LRP5: variants seen among roughly 807,000 people sequenced by gnomAD.
LRP5 encodes low-density lipoprotein receptor-related protein 5.
A neutral mutation model predicts 154.1 loss-of-function variants in LRP5; 62 were observed. The ratio of observed to expected loss-of-function variants is 0.40; its 90% confidence interval spans 0.33 to 0.50. LRP5 has a LOEUF of 0.50. Ranked by LOEUF, LRP5 falls within the 20% of genes least tolerant of loss-of-function variation. LRP5 has a pLI of 0.55. For synonymous variants in LRP5, 966 were observed against 1,011.5 expected, an observed-to-expected ratio of 0.96 and a Z score of 0.85; for missense variants, 1,915 against 2,336.7, an observed-to-expected ratio of 0.82 and a Z score of 3.72.
At chr11:68,359,302 T>C (rs1053767738) in intron 3 of LRP5, among the ~76,000 whole-genome samples, 2 of 152,212 alleles carry the variant, frequency 1.3e-5, no homozygotes, top group Non-Finnish European at 2.9e-5. Context: ...CAGTTTCTCC[T>C]GTTCCTCTTA....
At position 68,439,813 on chromosome 11, in the gene LRP5, G is replaced by A. The variant is rs1322121750; in HGVS notation, c.4385G>A (p.Ser1462Asn). Reference sequence around the variant, plus strand: ...GGAAAGTCCATGATGAGCTCCGTGAGCCTGATGGGGGGCCGGGGCGGGGTG... The same window carrying A: ...GGAAAGTCCATGATGAGCTCCGTGAACCTGATGGGGGGCCGGGGCGGGGTG... Reference protein sequence around the residue: ...ACGKSMMSSVSLMGGRGGVPL... With the variant: ...ACGKSMMSSVNLMGGRGGVPL... The change falls in exon 21 of 23, where the codon AGC (serine) becomes AAC (asparagine). Residue 1462 changes from serine (S) to asparagine (N), a missense_variant. By Grantham distance (46) the Ser-to-Asn change is conservative. Coordinates refer to ENST00000294304, the MANE Select transcript of LRP5 (RefSeq NM_002335.4). 1.9e-6 allele frequency: 3 copies of A among 1,611,862 alleles called. No individual in the cohort carries two copies. Among genetic ancestry groups the A allele is most frequent in the Non-Finnish European group, 8.5e-7 (1 of 1,179,676 alleles).
chr11:68,329,760 C>G (rs960741256), intron 1 of LRP5, among the ~76,000 whole-genome samples: 2 of 152,230 alleles, frequency 1.3e-5, no homozygotes, highest in African/African-American at 4.8e-5. Flanking sequence ...CACCGGCCAT[C>G]AGCGCCCCAC....
intron 2 of LRP5, among the ~76,000 whole-genome samples, chr11:68,350,384 C>T (rs2098617249): frequency 6.6e-6 from 1 of 152,252 alleles, no homozygotes; most frequent in South Asian, 2.1e-4. Context: ...GGCGGCCATG[C>T]ATCCAGGCCT....
rs2153153364 is a variant in LRP5, at chr11:68,386,757, G to A, written c.1412+45G>A. The A allele has an allele frequency of 1.3e-6, 2 of 1,590,506 alleles. No homozygotes were observed. The highest frequency in any genetic ancestry group is 4.5e-5 in the East Asian group (2 of 44,564). On this transcript the variant is annotated intron_variant, in intron 6 of 22. Coordinates refer to ENST00000294304, the MANE Select transcript of LRP5 (RefSeq NM_002335.4). This position sits in a 1 kb window ranked among gnomAD's most constrained non-coding sequence, Gnocchi z 7.9. ...GGGCCTGGAGCCAGGGCCAGGCCAAGCACAGGCGAGAGGGAGATTGACCTG... is the reference window on the plus strand; with the variant it reads ...GGGCCTGGAGCCAGGGCCAGGCCAAACACAGGCGAGAGGGAGATTGACCTG...
chr11:68,383,578 C>G (rs910413616), intron 5 of LRP5, among the ~76,000 whole-genome samples: 1 of 152,218 alleles, frequency 6.6e-6, no homozygotes, highest in Non-Finnish European at 1.5e-5. Flanking sequence ...GGAACCTGCC[C>G]GAGGTCACCC....
intron 1 of LRP5, among the ~76,000 whole-genome samples, chr11:68,325,850 T>G (rs954884031): frequency 6.6e-6 from 1 of 152,248 alleles, no homozygotes; most frequent in African/African-American, 2.4e-5. Context: ...AGGCTCGTCC[T>G]GAGGCTGCAG....
intron 16 of LRP5, among the ~76,000 whole-genome samples, chr11:68,428,191 C>T (rs540917896): frequency 2.0e-5 from 3 of 151,860 alleles, no homozygotes; most frequent in Non-Finnish European, 2.9e-5. Context: ...GACGGGTTTT[C>T]GCCATTTTGC....
chr11:68,369,976 C>T (rs919466044), intron 5 of LRP5, among the ~76,000 whole-genome samples: 1 of 152,180 alleles, frequency 6.6e-6, no homozygotes. Flanking sequence ...ATGTTGTCAC[C>T]ATGACCGGCG....
In LRP5 at chr11:68,342,030, T is replaced by C. The variant is rs539271122; in HGVS notation, c.92-5817T>C. Among the ~76,000 whole-genome samples the C allele has an allele frequency of 5.9e-5, 9 of 151,434 alleles. No homozygotes were observed. The South Asian group carries it at 1.9e-3, about 32-fold the overall frequency. ...CCTGGGCTGCGTCTCCTCCTTAGTG[T>C]GCTGCCTCTACAGGCTTTTCTCCTG... On this transcript the variant is annotated intron_variant, in intron 1 of 22. Coordinates refer to ENST00000294304, the MANE Select transcript of LRP5 (RefSeq NM_002335.4).
At chr11:68,406,837 A>C (rs1485064047) in intron 9 of LRP5, 24 bp downstream of exon 9, 1 of 1,611,860 alleles carries the variant, frequency 6.2e-7, no homozygotes, top group African/African-American at 1.3e-5. Context: ...GAACGTGCAC[A>C]CAGGCAGCCT....
At chr11:68,417,095 C>T (rs1226479353) in intron 13 of LRP5, among the ~76,000 whole-genome samples, 1 of 152,206 alleles carries the variant, frequency 6.6e-6, no homozygotes, top group Non-Finnish European at 1.5e-5. Flanking sequence ...CATTCGTAAA[C>T]GTTAATGCTG....
At chr11:68,383,227 G>C (rs1189876150) in intron 5 of LRP5, among the ~76,000 whole-genome samples, 1 of 152,158 alleles carries the variant, frequency 6.6e-6, no homozygotes. Context: ...GGCAAGACAG[G>C]CTTGGAATGT....
intron 6 of LRP5, among the ~76,000 whole-genome samples, chr11:68,387,961 G>T (rs566474021): frequency 1.3e-5 from 2 of 152,300 alleles, no homozygotes; most frequent in East Asian, 3.9e-4. Flanking sequence ...GCCCAGCCCT[G>T]GGGGTTGTGA....
rs1373797202 is a variant in LRP5 at position 68,321,624 on chromosome 11, G to A, written c.91+8819G>A. ...AGGTGCCCTTTGTGCCGACTTGCCC[G>A]AGCCACTCCTGCTGCCCAACTCACT... On this transcript the variant is annotated intron_variant, in intron 1 of 22. Transcript: ENST00000294304. 6.6e-5 allele frequency among the ~76,000 whole-genome samples: 10 copies of A among 152,094 alleles called. No individual in the cohort carries two copies. The East Asian group carries it at 1.3e-3, about 21-fold the overall frequency.
chr11:68,411,390 T>G, intron 10 of LRP5, 46 bp from the exon 11 acceptor site: 1 of 1,597,186 alleles, frequency 6.3e-7, no homozygotes, highest in Non-Finnish European at 8.5e-7. Flanking sequence ...TGTCCTGCGG[T>G]GAGAGCAGAC....
chr11:68,419,566 GTCTCAC>G (rs1336592951), intron 13 of LRP5, among the ~76,000 whole-genome samples: 4 of 147,682 alleles, frequency 2.7e-5, no homozygotes, highest in African/African-American at 1.0e-4. Flanking sequence ...TTGAGATGGA[GTCTCAC>G]TCTATCGCCC....
intron 21 of LRP5, chr11:68,445,536 G>A (rs976458944): frequency 3.8e-5 from 46 of 1,195,658 alleles, no homozygotes; most frequent in African/African-American, 4.7e-5. Flanking sequence ...TGAGTCCCTC[G>A]GGCATAACTG....
At chr11:68,411,660 G>A (rs749284955) in intron 11 of LRP5, 40 bp downstream of exon 11, 2 of 1,574,388 alleles carry the variant, frequency 1.3e-6, no homozygotes, top group Admixed American at 3.4e-5. Flanking sequence ...TGGAGGGCGG[G>A]GCAGCCGGGC....
At chr11:68,406,290 T>C (rs973199460) in intron 8 of LRP5, among the ~76,000 whole-genome samples, 2 of 152,204 alleles carry the variant, frequency 1.3e-5, no homozygotes, top group Non-Finnish European at 2.9e-5. Context: ...GGAATAAAGC[T>C]GTGCACATTG....
Sources: allele counts gnomAD v4.1 joint callset (sites outside exome capture counted in the v4.1 genomes callset), GRCh38; gene constraint gnomAD v4.1.1; non-coding constraint Gnocchi (gnomAD v3.1); transcripts MANE v1.5; gene names NCBI Gene and HGNC (gene_info 2026-07-23, HGNC 2026-07-21).